The following FRMD6 variants were observed in gnomAD, a reference collection of about 807,000 sequenced individuals.
FRMD6 encodes FERM domain containing 6.
In FRMD6, 37 loss-of-function variants were observed where a neutral mutation model predicts 73.2. The ratio of observed to expected loss-of-function variants is 0.51; its 90% CI spans 0.39 to 0.66. The LOEUF is 0.66. Among genes scored for constraint, FRMD6 ranks in the 30% least tolerant of loss-of-function variants. The pLI is 0.00. For missense variants in FRMD6, 714 were observed against 780.5 expected, an observed-to-expected ratio of 0.91 and a Z score of 1.02; for synonymous variants, 273 against 282.2, an observed-to-expected ratio of 0.97 and a Z score of 0.33.
intron 2 of FRMD6, among the ~76,000 whole-genome samples, chr14:51,580,372 T>A (rs1163292109): frequency 6.6e-6 from 1 of 152,232 alleles, no homozygotes; most frequent in African/African-American, 2.4e-5. Flanking sequence ...CAAACACCTA[T>A]GAGCACTCCC....
chr14:51,639,525 T>TA (rs1267421025), intron 2 of FRMD6, among the ~76,000 whole-genome samples: 4 of 152,202 alleles, frequency 2.6e-5, no homozygotes, highest in Non-Finnish European at 5.9e-5. Flanking sequence ...TCATTATTTG[T>TA]AAAATAGGAA....
chr14:51,417,966 G>A, the FRMD6 span, among the ~76,000 whole-genome samples: 1 of 152,060 alleles, frequency 6.6e-6, no homozygotes, highest in South Asian at 2.1e-4. Context: ...TTGTGCATGT[G>A]TCATGTAGTT....
chr14:51,666,935 GA>G (rs1407829870), intron 1 of FRMD6, among the ~76,000 whole-genome samples: 1 of 152,158 alleles, frequency 6.6e-6, no homozygotes. Flanking sequence ...CGAAGTTTGA[GA>G]CCAGCTTGGG....
In FRMD6 at chr14:51,615,780, C is replaced by G. The variant is rs369909383; in HGVS notation, c.-147+45370C>G. ...TGATCCACCCAGTGAATTCTAGAAA[C>G]ATTTCATGGAGGATGTAGCAACTGA... On this transcript the variant is annotated intron_variant, in intron 2 of 14. Transcript: ENST00000356218. Among the ~76,000 whole-genome samples the G allele has an allele frequency of 2.0e-5, 3 of 152,232 alleles. No homozygotes were observed. In the South Asian group the frequency reaches 6.2e-4, roughly 32 times the overall value.
chr14:51,473,737 ACC>A, the FRMD6 span, among the ~76,000 whole-genome samples: 2 of 150,670 alleles, frequency 1.3e-5, no homozygotes, highest in South Asian at 4.2e-4. Flanking sequence ...TCCCAGCCAC[ACC>A]CTTGAGGCAG....
At chr14:51,575,844 C>G (rs970308933) in intron 2 of FRMD6, 1 of 152,192 alleles carries the variant, frequency 6.6e-6, no homozygotes, top group Non-Finnish European at 1.5e-5. Context: ...TAAACATGAA[C>G]AGATTAGCAG....
intron 7 of FRMD6, among the ~76,000 whole-genome samples, chr14:51,708,889 C>T (rs186127032): frequency 6.6e-6 from 1 of 152,284 alleles, no homozygotes; most frequent in African/African-American, 2.4e-5. Context: ...CTGTATTCCA[C>T]ACGTTCCTCA....
chr14:51,604,876 G>T (rs543100754), intron 2 of FRMD6, among the ~76,000 whole-genome samples: 1 of 152,236 alleles, frequency 6.6e-6, no homozygotes, highest in Non-Finnish European at 1.5e-5. Context: ...TTCAATTTTA[G>T]TATATGTGCT....
chr14:51,460,955 A>C, the FRMD6 span, among the ~76,000 whole-genome samples: 1 of 152,126 alleles, frequency 6.6e-6, no homozygotes, highest in Non-Finnish European at 1.5e-5. Context: ...CTTATGACGG[A>C]GTGAGAGGAA....
chr14:51,559,353 G>A (rs1341703098), intron 1 of FRMD6, among the ~76,000 whole-genome samples: 4 of 152,154 alleles, frequency 2.6e-5, no homozygotes, highest in African/African-American at 9.7e-5. Context: ...CTCAAAGTGT[G>A]GTCCTTAGAC....
intron 2 of FRMD6, among the ~76,000 whole-genome samples, chr14:51,625,303 C>G (rs2139945942): frequency 6.6e-6 from 1 of 152,178 alleles, no homozygotes; most frequent in Admixed American, 6.5e-5. Context: ...ATATATTTTT[C>G]TTACTTAGCA....
intron 2 of FRMD6, among the ~76,000 whole-genome samples, chr14:51,585,467 G>A (rs1888973550): frequency 6.6e-6 from 1 of 152,118 alleles, no homozygotes. Flanking sequence ...AGATTTAGCA[G>A]ATTATAAATT....
chr14:51,543,916 A>C (rs1182177363), intron 1 of FRMD6, among the ~76,000 whole-genome samples: 1 of 152,052 alleles, frequency 6.6e-6, no homozygotes, highest in African/African-American at 2.4e-5. Flanking sequence ...AATTCGCACC[A>C]TACTCTTGTT....
chr14:51,536,986 A>T (rs1885933633), intron 1 of FRMD6, among the ~76,000 whole-genome samples: 1 of 152,134 alleles, frequency 6.6e-6, no homozygotes, highest in Non-Finnish European at 1.5e-5. Flanking sequence ...ATTCCCCACC[A>T]GAGTGGTACA....
chr14:51,674,962 T>A (rs1178689571), intron 1 of FRMD6, among the ~76,000 whole-genome samples: 2 of 152,128 alleles, frequency 1.3e-5, no homozygotes, highest in Non-Finnish European at 2.9e-5. Flanking sequence ...TCTGTTTCTT[T>A]TAGAATAGAT....
At chr14:51,722,819 C>CT (rs956696120) in intron 12 of FRMD6, among the ~76,000 whole-genome samples, 3 of 152,186 alleles carry the variant, frequency 2.0e-5, no homozygotes, top group African/African-American at 7.2e-5. Flanking sequence ...GAAATGGCCC[C>CT]TTCCAGCTTT....
the FRMD6 span, among the ~76,000 whole-genome samples, chr14:51,416,314 A>G: frequency 6.6e-6 from 1 of 152,194 alleles, no homozygotes; most frequent in African/African-American, 2.4e-5. Context: ...CCCTCTACAC[A>G]CTGCTTTAAA....
At chr14:51,601,874 C>T (rs982083776) in intron 2 of FRMD6, among the ~76,000 whole-genome samples, 3 of 152,110 alleles carry the variant, frequency 2.0e-5, no homozygotes, top group African/African-American at 7.2e-5. Flanking sequence ...AGTTAATAGC[C>T]TCTGATTTGA....
Position 51,699,699 on chromosome 14 carries a change from C to T in FRMD6, c.191-1357C>T, listed in dbSNP as rs543709844. ...CTTTGAGAATTCTTAAGGTATAAAG[C>T]TCTGGTCAGATTGTAGGTGGCAGAG... On this transcript the variant is annotated intron_variant, in intron 3 of 13. Transcript: ENST00000344768. 3.3e-5 allele frequency among the ~76,000 whole-genome samples: 5 copies of T among 152,070 alleles called. No homozygotes were observed. The South Asian group carries it at 1.0e-3, about 32-fold the overall frequency.
Sources: gnomAD v4.1 joint callset for allele counts (sites outside exome capture counted in the v4.1 genomes callset) on GRCh38, gnomAD v4.1.1 for gene constraint, MANE v1.5 for transcripts, NCBI Gene and HGNC (gene_info 2026-07-23, HGNC 2026-07-21) for gene names.